The following RBP5 variants were observed in gnomAD, a reference collection of about 807,000 sequenced individuals.
RBP5 encodes retinol binding protein 5.
In RBP5, 12 loss-of-function variants were observed where a neutral mutation model predicts 17.8. The ratio of observed to expected loss-of-function variants is 0.67; its 90% CI spans 0.43 to 1.09. The LOEUF is 1.09. RBP5 is among the 50% of genes least tolerant of loss of function. The probability of loss-of-function intolerance (pLI) is 0.00; values close to 1 mark genes in which losing one functional copy is unlikely to be tolerated. For missense variants in RBP5, 172 were observed against 169.4 expected, an observed-to-expected ratio of 1.02 and a Z score of -0.09; for synonymous variants, 64 against 68.1, an observed-to-expected ratio of 0.94 and a Z score of 0.30.
At position 7,117,377 on chromosome 12, in the gene RBP5, C is replaced by T. The variant is rs944048905; in HGVS notation, n.890-70G>A. ...AGGTATTGTTGGTGGCTGTCTCGGA[C>T]GCTGGTTCTCATAGAAGTAGATGTA... On this transcript the variant is annotated intron_variant and non_coding_transcript_variant, in intron 3 of 3. Transcript: ENST00000619522. This position sits in a 1 kb window ranked among gnomAD's most constrained non-coding sequence, Gnocchi z 4.9. The T allele has an allele frequency of 3.3e-4, 50 of 152,236 alleles. No individual in the cohort carries two copies. The highest frequency in any genetic ancestry group is 8.4e-4 in the African/African-American group (35 of 41,536). 9.4% of individuals were successfully genotyped at this position (152,236 alleles called of 1,614,324 possible).
chr12:7,124,046 A>G lies in RBP5; in HGVS notation c.*75T>C. The G allele has an allele frequency of 7.0e-7, 1 of 1,435,970 alleles. No individual in the cohort carries two copies. The highest frequency in any genetic ancestry group is 1.1e-5 in the South Asian group (1 of 87,534). The allele number at this position is 1,435,970 out of a possible 1,614,324, so 89.0% of individuals were successfully genotyped here. A position where few individuals can be genotyped will look rare whatever the true frequency, so the allele number is the denominator to read the frequency against. On this transcript the variant is annotated 3_prime_UTR_variant, in exon 4 of 4. Transcript: ENST00000266560. This position sits in a 1 kb window ranked among gnomAD's most constrained non-coding sequence, Gnocchi z 5.3. ...AGGAAGGGACAGCTGACCTGGCACA[A>G]TCTGGGCTTGAAGGGGGCACAACAA...
chr12:7,125,059 A>G (rs1939139075), intron 2 of RBP5, among the ~76,000 whole-genome samples: 2 of 152,132 alleles, frequency 1.3e-5, no homozygotes. Flanking sequence ...GGCGTGCACC[A>G]ACATACCGGG....
exon 4 of RBP5, chr12:7,116,563 T>G (rs1005107674): frequency 6.6e-6 from 1 of 152,218 alleles, no homozygotes; most frequent in Admixed American, 6.5e-5. Flanking sequence ...TGCTGGACAT[T>G]CCTTTTAACA....
rs1469380991 is a variant in RBP5, at chr12:7,124,300, G to A, written c.355-126C>T. 9.9e-6 allele frequency: 8 copies of A among 807,850 alleles called. No homozygotes were observed. Among genetic ancestry groups the A allele is most frequent in the African/African-American group, 3.4e-5 (2 of 58,762 alleles). The allele number at this position is 807,850 out of a possible 1,614,324, so 50.0% of individuals were successfully genotyped here. On this transcript the variant is annotated intron_variant, in intron 3 of 3. Transcript: ENST00000266560. This position sits in a 1 kb window ranked among gnomAD's most constrained non-coding sequence, Gnocchi z 5.3. The stretch of plus-strand genomic sequence containing the variant: ...CAGCAGCTTGAGTGTTTGATGTATG[G>A]GCAATTGTATCATTATTCCACATCC...
chr12:7,116,060 T>A (rs759918231), exon 4 of RBP5: 67 of 152,312 alleles, frequency 4.4e-4, no homozygotes, highest in African/African-American at 1.6e-3. Context: ...GTTGGGGACA[T>A]AGAGCCAAAT....
At position 7,124,256 on chromosome 12, in the gene RBP5, C is replaced by G; in HGVS notation, c.355-82G>C. 2.4e-6 allele frequency: 3 copies of G among 1,224,698 alleles called. No homozygotes were observed. Among genetic ancestry groups the G allele is most frequent in the Non-Finnish European group, 3.6e-6 (3 of 830,548 alleles). The allele number at this position is 1,224,698 out of a possible 1,614,324, so 75.9% of individuals were successfully genotyped here. On this transcript the variant is annotated intron_variant, in intron 3 of 3. Transcript: ENST00000266560. This position sits in a 1 kb window ranked among gnomAD's most constrained non-coding sequence, Gnocchi z 5.3. ...CCCCTTTCTCAAGGTCCTTGACCTC[C>G]ATTTACTCCTTCCGGATACAGCAGC...
chr12:7,124,250 G>T lies in RBP5; in HGVS notation c.355-76C>A. 1 of 1,354,348 alleles carries T rather than the reference G, an allele frequency of 7.4e-7. No homozygotes were observed. The highest frequency in any genetic ancestry group is 1.2e-5 in the South Asian group (1 of 85,134). The allele number at this position is 1,354,348 out of a possible 1,614,324, so 83.9% of individuals were successfully genotyped here. On this transcript the variant is annotated intron_variant, in intron 3 of 3. Transcript: ENST00000266560. This position sits in a 1 kb window ranked among gnomAD's most constrained non-coding sequence, Gnocchi z 5.3. ...CCAGAGCCCCTTTCTCAAGGTCCTT[G>T]ACCTCCATTTACTCCTTCCGGATAC...
At chr12:7,128,971 G>C (rs1027371148), upstream of RBP5, 2 of 576,450 alleles carry the variant, frequency 3.5e-6, no homozygotes, top group Admixed American at 5.1e-5. The surrounding 1 kb of genome is among the most constrained non-coding windows in gnomAD (Gnocchi z 5.3). Flanking sequence ...TTCCCTCCCC[G>C]CATGGTGAGT....
downstream of RBP5, chr12:7,121,682 G>A (rs889167680): frequency 6.5e-6 from 1 of 154,568 alleles, no homozygotes; most frequent in African/African-American, 2.4e-5. Flanking sequence ...TTTGGGGACA[G>A]GGCTCTGAAT....
chr12:7,123,226 G>A (rs1939106105), downstream of RBP5, among the ~76,000 whole-genome samples: 1 of 152,166 alleles, frequency 6.6e-6, no homozygotes, highest in South Asian at 2.1e-4. Flanking sequence ...AGCAACTCTG[G>A]GACCCTTGCT....
chr12:7,125,469 G>A (rs1005181057), intron 2 of RBP5, among the ~76,000 whole-genome samples: 1 of 152,160 alleles, frequency 6.6e-6, no homozygotes, highest in Non-Finnish European at 1.5e-5. Context: ...GAAATAAAGG[G>A]TCAGCCCCTC....
downstream of RBP5, among the ~76,000 whole-genome samples, chr12:7,123,070 A>G (rs1224442506): frequency 6.6e-6 from 1 of 152,024 alleles, no homozygotes; most frequent in African/African-American, 2.4e-5. Flanking sequence ...CCACCCTCAC[A>G]TTGAGCCCTC....
chr12:7,122,465 A>G (rs1939094578), downstream of RBP5: 1 of 152,216 alleles, frequency 6.6e-6, no homozygotes, highest in African/African-American at 2.4e-5. Flanking sequence ...TAAAACCACC[A>G]TGGTAAGAAG....
downstream of RBP5, among the ~76,000 whole-genome samples, chr12:7,121,318 T>C (rs746266408): frequency 6.6e-6 from 1 of 152,316 alleles, no homozygotes; most frequent in Non-Finnish European, 1.5e-5. Context: ...TCTTGGGATC[T>C]TGAGATCTGT....
At position 7,128,182 on chromosome 12, in the gene RBP5, T is replaced by C; in HGVS notation, c.252+58A>G. ...AAGGTCACTTTGTTTTGCCCCATGT[T>C]GTTAGGAGTCTCCTGTGATGCCTCC... is the stretch of plus-strand genomic sequence containing the variant. On this transcript the variant is annotated intron_variant, in intron 2 of 3. Transcript: ENST00000266560. This position sits in a 1 kb window ranked among gnomAD's most constrained non-coding sequence, Gnocchi z 5.3. 6.7e-7 allele frequency: 1 copy of C among 1,501,708 alleles called. No homozygotes were observed. Among genetic ancestry groups the C allele is most frequent in the Non-Finnish European group, 9.1e-7 (1 of 1,103,126 alleles). 93.0% of individuals were successfully genotyped at this position (1,501,708 alleles called of 1,614,324 possible).
rs10963 is a variant in RBP5, at chr12:7,128,721, C to T, written c.55G>A (p.Asp19Asn). 195,220 of 1,601,570 alleles carry T rather than the reference C, an allele frequency of 0.12. 15,324 individuals carry two copies. The highest frequency in any genetic ancestry group is 0.42 in the East Asian group (18,531 of 44,400). ...CCATTACTTAGGGCTTGCAGGTAGTCCTCCATGTTCTTCTGCGAGACAAAG... is the reference window on the plus strand; with the variant it reads ...CCATTACTTAGGGCTTGCAGGTAGTTCTCCATGTTCTTCTGCGAGACAAAG... ...YRFVSQKNME[D>N]YLQALNISLA... Residue 19 changes from aspartate to asparagine, a missense_variant, in exon 1 of 4, where the codon GAC becomes AAC. Transcript: ENST00000266560. This position sits in a 1 kb window ranked among gnomAD's most constrained non-coding sequence, Gnocchi z 5.3.
downstream of RBP5, among the ~76,000 whole-genome samples, chr12:7,123,330 A>G (rs999657142): frequency 3.3e-5 from 5 of 152,056 alleles, no homozygotes; most frequent in African/African-American, 1.2e-4. Context: ...TCTCCCTCCT[A>G]TGCCTTCACA....
At chr12:7,118,758 T>C (rs1939039147), downstream of RBP5, 2 of 152,248 alleles carry the variant, frequency 1.3e-5, no homozygotes, top group Admixed American at 1.3e-4. Flanking sequence ...AAGCTGGAGC[T>C]CTGCTGGTGT....
chr12:7,123,624 G>C (rs1340535070), downstream of RBP5: 1 of 156,378 alleles, frequency 6.4e-6, no homozygotes, highest in Non-Finnish European at 1.4e-5. Context: ...TCTTGGGCCT[G>C]GTTTTGTTGA....
Sources: allele counts gnomAD v4.1 joint callset (sites outside exome capture counted in the v4.1 genomes callset), GRCh38; gene constraint gnomAD v4.1.1; non-coding constraint Gnocchi (gnomAD v3.1); transcripts MANE v1.5; gene names NCBI Gene and HGNC (gene_info 2026-07-23, HGNC 2026-07-21).